The following COL5A1 variants were observed in gnomAD, a reference collection of about 807,000 sequenced individuals.
COL5A1 encodes the protein collagen alpha-1(V) chain.
Under a neutral mutation model 263.7 loss-of-function variants are expected in COL5A1, and 16 were observed. The observed-to-expected ratio is 0.06, with a 90% CI of 0.04 to 0.09. COL5A1 has a LOEUF of 0.09. Among genes scored for constraint, COL5A1 ranks in the 10% least tolerant of loss-of-function variants. COL5A1 has a pLI of 1.00. For synonymous variants in COL5A1, 1,012 were observed against 1,004.5 expected (o/e 1.01, Z -0.14); for missense variants, 2,036 against 2,540.5 (o/e 0.80, Z 4.27).
rs781384526 is a variant in COL5A1, at chr9:134,757,428, C to G, written c.1881+610C>G. Among the ~76,000 whole-genome samples the G allele has an allele frequency of 6.6e-6, 1 of 152,184 alleles. No homozygotes were observed. The highest frequency in any genetic ancestry group is 2.4e-5 in the African/African-American group (1 of 41,440). ...CACGGGGGGCAGGGGAGATACTGAC[C>G]TTCCGTGAAGAGTGCACCTGGGGAC... is the stretch of plus-strand genomic sequence containing the variant. On this transcript the variant is annotated intron_variant, in intron 17 of 65. Coordinates refer to ENST00000371817, the MANE Select transcript of COL5A1 (RefSeq NM_000093.5). The surrounding 1 kb of genome is among the most constrained non-coding windows in gnomAD (Gnocchi z 6.2).
intron 32 of COL5A1, among the ~76,000 whole-genome samples, chr9:134,792,599 A>G (rs1251740499): frequency 6.6e-6 from 1 of 152,108 alleles, no homozygotes; most frequent in Non-Finnish European, 1.5e-5. Context: ...TCCTGACCTC[A>G]AGTGATCTGC....
At chr9:134,770,704 A>G (rs1343461943) in intron 25 of COL5A1, among the ~76,000 whole-genome samples, 1 of 152,246 alleles carries the variant, frequency 6.6e-6, no homozygotes, top group Non-Finnish European at 1.5e-5. Flanking sequence ...TTTTTTAATC[A>G]GAAAATATCA....
intron 1 of COL5A1, among the ~76,000 whole-genome samples, chr9:134,671,244 T>C (rs911835591): frequency 6.6e-6 from 1 of 152,174 alleles, no homozygotes; most frequent in African/African-American, 2.4e-5. Flanking sequence ...GAGGGGACCT[T>C]GAAGCTTGGC....
rs141230291 is a variant in COL5A1, at chr9:134,758,565, G to A, written c.1935+269G>A. On this transcript the variant is annotated intron_variant, in intron 18 of 65. Coordinates refer to ENST00000371817, the MANE Select transcript of COL5A1 (RefSeq NM_000093.5). The surrounding 1 kb of genome is among the most constrained non-coding windows in gnomAD (Gnocchi z 4.1). Reference sequence around the variant, plus strand: ...AGATGGGCCTACCCACCTGAGGCGCGTGAAGGGGGCAGGGAAGGAGCCCTT... The same window carrying A: ...AGATGGGCCTACCCACCTGAGGCGCATGAAGGGGGCAGGGAAGGAGCCCTT... Among the ~76,000 whole-genome samples, 615 of 152,256 alleles carry A rather than the reference G, an allele frequency of 4.0e-3. 3 individuals are homozygous for A. The highest frequency in any genetic ancestry group is 2.8e-3 in the African/African-American group (116 of 41,558).
Position 134,758,367 on chromosome 9 carries a change from C to T in COL5A1, c.1935+71C>T. ...AGGTGTCTCTCGGGAGGCCCTTCTC[C>T]TTCCAGGCAGCCTCAGATTTCCTGT... On this transcript the variant is annotated intron_variant, in intron 18 of 65. Transcript: ENST00000371817. The surrounding 1 kb of genome is among the most constrained non-coding windows in gnomAD (Gnocchi z 4.1). 6.7e-7 allele frequency: 1 copy of T among 1,497,468 alleles called. No homozygotes were observed. Among genetic ancestry groups the T allele is most frequent in the Non-Finnish European group, 9.3e-7 (1 of 1,075,940 alleles). The allele number at this position is 1,497,468 out of a possible 1,614,324, so 92.8% of individuals were successfully genotyped here.
In COL5A1 at chr9:134,789,263, G is replaced by A; in HGVS notation, c.2700+55G>A. 6.8e-7 allele frequency: 1 copy of A among 1,475,352 alleles called. No homozygotes were observed. Among genetic ancestry groups the A allele is most frequent in the Non-Finnish European group, 9.5e-7 (1 of 1,058,110 alleles). 91.4% of individuals were successfully genotyped at this position (1,475,352 alleles called of 1,614,324 possible). ...GCTTGTTCGGCTGCCTCGGTGCCTA[G>A]CAAGTTGGTTCTCCAGCCGACGGCC... On this transcript the variant is annotated intron_variant, in intron 32 of 65. Coordinates refer to ENST00000371817, the MANE Select transcript of COL5A1 (RefSeq NM_000093.5). This position sits in a 1 kb window ranked among gnomAD's most constrained non-coding sequence, Gnocchi z 4.8.
chr9:134,826,300 T>C (rs1220362743), intron 63 of COL5A1, among the ~76,000 whole-genome samples: 1 of 152,230 alleles, frequency 6.6e-6, no homozygotes, highest in Non-Finnish European at 1.5e-5. Context: ...TTCCGGAAGC[T>C]GCCCTTTGCC....
intron 4 of COL5A1, among the ~76,000 whole-genome samples, chr9:134,707,959 G>A (rs1588456823): frequency 6.6e-6 from 1 of 152,348 alleles, no homozygotes; most frequent in East Asian, 1.9e-4. Flanking sequence ...AGGGGATTCT[G>A]CTGAGGACCT....
At chr9:134,659,954 C>A (rs996006423) in intron 1 of COL5A1, among the ~76,000 whole-genome samples, 1 of 152,128 alleles carries the variant, frequency 6.6e-6, no homozygotes, top group Admixed American at 6.5e-5. Context: ...AGCCGACACA[C>A]GGCCAAGGAG....
intron 64 of COL5A1, 63 bp from the exon 65 acceptor site, chr9:134,834,908 C>T (rs1046301344): frequency 1.3e-5 from 15 of 1,170,040 alleles, no homozygotes; most frequent in Middle Eastern, 3.8e-4. Context: ...GCAGTGCGGA[C>T]GTGGGGCTTT....
intron 26 of COL5A1, 43 bp downstream of exon 26, chr9:134,772,877 G>C (rs1326184949): frequency 6.2e-7 from 1 of 1,604,268 alleles, no homozygotes; most frequent in Non-Finnish European, 8.5e-7. Context: ...CATCCAGGTG[G>C]GGCGGGTCCA....
intron 1 of COL5A1, among the ~76,000 whole-genome samples, chr9:134,651,307 A>G (rs1831679446): frequency 2.0e-5 from 3 of 152,136 alleles, no homozygotes; most frequent in Admixed American, 2.0e-4. Context: ...ACACCATTTG[A>G]CCCAACAATA....
At chr9:134,766,754 G>A (rs1040784653) in intron 22 of COL5A1, among the ~76,000 whole-genome samples, 1 of 152,292 alleles carries the variant, frequency 6.6e-6, no homozygotes, top group African/African-American at 2.4e-5. Context: ...CTGGTCGGAT[G>A]TCTGGGCATA....
Position 134,818,966 on chromosome 9 carries a change from A to T in COL5A1, c.4393-34A>T. 6.2e-7 allele frequency: 1 copy of T among 1,613,256 alleles called. No individual in the cohort carries two copies. The highest frequency in any genetic ancestry group is 1.3e-5 in the African/African-American group (1 of 75,028). On this transcript the variant is annotated intron_variant, in intron 56 of 65. Transcript: ENST00000371817. This position sits in a 1 kb window ranked among gnomAD's most constrained non-coding sequence, Gnocchi z 6.0. ...GACTTCGCCACCCAAAGCCCCAAGG[A>T]TGAGGACTCTGATCCCCCTGCCTCC...
intron 1 of COL5A1, among the ~76,000 whole-genome samples, chr9:134,689,727 G>C (rs578080634): frequency 6.6e-6 from 1 of 152,276 alleles, no homozygotes; most frequent in South Asian, 2.1e-4. Flanking sequence ...GGGACAGGGC[G>C]GTGTCATGCT....
At chr9:134,823,964 G>T (rs538277101) in intron 61 of COL5A1, among the ~76,000 whole-genome samples, 1 of 150,730 alleles carries the variant, frequency 6.6e-6, no homozygotes, top group Non-Finnish European at 1.5e-5. Flanking sequence ...ATGCATGGCC[G>T]TGTGTGTGTG....
At chr9:134,826,699 TGGTATGTGGG>T (rs890938605) in intron 63 of COL5A1, among the ~76,000 whole-genome samples, 7 of 83,528 alleles carry the variant, frequency 8.4e-5, no homozygotes, top group African/African-American at 1.9e-4. Flanking sequence ...TGCGTGTGGC[TGGTATGTGGG>T]GGTGTGTGGG....
intron 39 of COL5A1, among the ~76,000 whole-genome samples, chr9:134,803,736 G>A (rs543497705): frequency 2.2e-4 from 33 of 152,038 alleles, no homozygotes; most frequent in African/African-American, 6.5e-4. Flanking sequence ...CCAGCTACTC[G>A]GGAGGCTGAG....
intron 8 of COL5A1, 37 bp from the exon 9 acceptor site, chr9:134,732,034 T>C (rs1461282742): frequency 6.2e-7 from 1 of 1,611,170 alleles, no homozygotes; most frequent in Non-Finnish European, 8.5e-7. Context: ...CACTTTTCTC[T>C]CTGATTCTCT....
Sources: gnomAD v4.1 joint callset for allele counts (sites outside exome capture counted in the v4.1 genomes callset) on GRCh38, gnomAD v4.1.1 for gene constraint, Gnocchi (gnomAD v3.1) non-coding constraint, MANE v1.5 for transcripts, NCBI Gene and HGNC (gene_info 2026-07-23, HGNC 2026-07-21) for gene names.